Variants in RNF6 observed in about 807,000 individuals in gnomAD.
The protein encoded by RNF6 is ring finger protein 6.
Under a neutral mutation model 50.1 loss-of-function variants are expected in RNF6, and 21 were observed. The ratio of observed to expected loss-of-function variants is 0.42; its 90% CI spans 0.30 to 0.60. The LOEUF (loss-of-function observed/expected upper bound fraction) is 0.60. RNF6 is among the 20% of genes least tolerant of loss of function. RNF6 has a pLI of 0.20. For missense variants in RNF6, 698 were observed against 838.2 expected (o/e 0.83, Z 2.07); for synonymous variants, 255 against 291.8 (o/e 0.87, Z 1.29).
intron 5 of RNF6, among the ~76,000 whole-genome samples, chr13:26,134,481 TTTTTTTTTGG>T: frequency 7.2e-6 from 1 of 139,516 alleles, no homozygotes; most frequent in African/African-American, 2.6e-5. Flanking sequence ...TTGTTTTTTG[TTTTTTTTTGG>T]TTTTTTGAGT....
intron 5 of RNF6, among the ~76,000 whole-genome samples, chr13:26,172,692 C>A (rs898745807): frequency 6.6e-6 from 1 of 151,974 alleles, no homozygotes; most frequent in African/African-American, 2.4e-5. Flanking sequence ...TACAGGTGCC[C>A]GCCACCATGC....
intron 5 of RNF6, among the ~76,000 whole-genome samples, chr13:26,151,153 C>T (rs1022007856): frequency 2.6e-5 from 4 of 152,190 alleles, no homozygotes; most frequent in South Asian, 2.1e-4. Flanking sequence ...CTCAGTCATA[C>T]GTTGCCTTCC....
intron 5 of RNF6, among the ~76,000 whole-genome samples, chr13:26,157,440 G>A (rs1179842324): frequency 6.6e-6 from 1 of 151,908 alleles, no homozygotes; most frequent in African/African-American, 2.4e-5. Context: ...TGTTAAGAAA[G>A]AAACATGAAT....
At chr13:26,159,920 T>C (rs1375520648) in intron 5 of RNF6, among the ~76,000 whole-genome samples, 2 of 152,154 alleles carry the variant, frequency 1.3e-5, no homozygotes, top group Admixed American at 1.3e-4. Context: ...TGCTTCAACA[T>C]ACAAGAATAC....
intron 5 of RNF6, among the ~76,000 whole-genome samples, chr13:26,132,774 T>C (rs963974380): frequency 1.3e-5 from 2 of 152,248 alleles, no homozygotes; most frequent in Non-Finnish European, 2.9e-5. Flanking sequence ...ATGTAGCTGA[T>C]GATTTTGAAC....
At chr13:26,134,349 C>T (rs1285339927) in intron 5 of RNF6, among the ~76,000 whole-genome samples, 3 of 152,244 alleles carry the variant, frequency 2.0e-5, no homozygotes, top group Admixed American at 6.5e-5. Flanking sequence ...GCTCCCTACT[C>T]GGCCTTTGCC....
chr13:26,187,966 G>A (rs546797256), intron 5 of RNF6, among the ~76,000 whole-genome samples: 5 of 152,360 alleles, frequency 3.3e-5, no homozygotes, highest in African/African-American at 1.2e-4. Flanking sequence ...AGAACTAGAA[G>A]TCAACAAGTG....
intron 5 of RNF6, among the ~76,000 whole-genome samples, chr13:26,187,099 C>T (rs118082671): frequency 0.043 from 6,492 of 152,138 alleles, 188 homozygotes; most frequent in Middle Eastern, 0.071. Flanking sequence ...CTTTCTAGAG[C>T]CTTGCTTGGC....
At chr13:26,175,688 G>C (rs1169564114) in intron 5 of RNF6, among the ~76,000 whole-genome samples, 10 of 152,152 alleles carry the variant, frequency 6.6e-5, no homozygotes, top group African/African-American at 2.4e-4. Context: ...CCAGGACAGG[G>C]ATCCAAGAGG....
chr13:26,205,108 A>G (rs1017549743), intron 5 of RNF6, among the ~76,000 whole-genome samples: 1 of 152,174 alleles, frequency 6.6e-6, no homozygotes, highest in Non-Finnish European at 1.5e-5. Flanking sequence ...ATGGCTCATC[A>G]TTTTGTCCTG....
intron 5 of RNF6, among the ~76,000 whole-genome samples, chr13:26,173,163 G>C (rs1029775326): frequency 6.6e-6 from 1 of 152,222 alleles, no homozygotes; most frequent in East Asian, 1.9e-4. Flanking sequence ...CCATTGTAGA[G>C]AGAGCAAGTT....
At chr13:26,170,954 A>C (rs371770118) in intron 5 of RNF6, among the ~76,000 whole-genome samples, 1 of 152,196 alleles carries the variant, frequency 6.6e-6, no homozygotes, top group East Asian at 1.9e-4. Context: ...AAAGACTATC[A>C]AAGTATTGGA....
At chr13:26,150,709 A>G (rs1377877149) in intron 5 of RNF6, 2 of 151,754 alleles carry the variant, frequency 1.3e-5, no homozygotes, top group Non-Finnish European at 2.9e-5. Context: ...AAGGAATTAC[A>G]CCAGCTTTAA....
intron 4 of RNF6, among the ~76,000 whole-genome samples, chr13:26,216,000 T>C (rs1167341873): frequency 3.9e-5 from 6 of 152,252 alleles, no homozygotes. Context: ...CCTGTATTTG[T>C]GGAATCTTTC....
intron 5 of RNF6, among the ~76,000 whole-genome samples, chr13:26,199,502 T>G (rs1199060833): frequency 1.3e-5 from 2 of 152,100 alleles, no homozygotes; most frequent in Non-Finnish European, 2.9e-5. Context: ...ACAAAAAGCA[T>G]GGACCAAAAA....
intron 5 of RNF6, among the ~76,000 whole-genome samples, chr13:26,198,029 C>T (rs888139152): frequency 6.7e-6 from 1 of 149,876 alleles, no homozygotes; most frequent in African/African-American, 2.5e-5. Flanking sequence ...TATAAAATAT[C>T]AAAATTTGTG....
intron 5 of RNF6, among the ~76,000 whole-genome samples, chr13:26,207,187 G>A (rs1566433887): frequency 6.6e-6 from 1 of 151,678 alleles, no homozygotes; most frequent in Non-Finnish European, 1.5e-5. Context: ...AACCAGAGAG[G>A]CCAGAGGGGA....
intron 5 of RNF6, among the ~76,000 whole-genome samples, chr13:26,185,464 TGGCTG>T (rs1261472929): frequency 3.3e-5 from 5 of 152,114 alleles, no homozygotes; most frequent in African/African-American, 7.2e-5. Flanking sequence ...AGTTGTTACT[TGGCTG>T]GGCACAGTGG....
At chr13:26,132,337 G>A in exon 6 of RNF6, 1 of 412,462 alleles carries the variant, frequency 2.4e-6, no homozygotes, top group South Asian at 1.8e-5. Context: ...TACCCCTTAG[G>A]CTCCAGGTTC....
Sources: gnomAD v4.1 joint callset for allele counts (sites outside exome capture counted in the v4.1 genomes callset) on GRCh38, gnomAD v4.1.1 for gene constraint, MANE v1.5 for transcripts, NCBI Gene and HGNC (gene_info 2026-07-23, HGNC 2026-07-21) for gene names.